MICAL2: variants seen among roughly 807,000 people sequenced by gnomAD.
The protein encoded by MICAL2 is [F-actin]-monooxygenase MICAL2.
In MICAL2, 77 loss-of-function variants were observed where a neutral mutation model predicts 127.3. That is an observed-to-expected ratio of 0.60 (90% CI 0.50 to 0.73). MICAL2 has a LOEUF of 0.73. Ranked by LOEUF, MICAL2 falls within the 30% of genes least tolerant of loss-of-function variation. MICAL2 has a pLI of 0.00. For synonymous variants in MICAL2, 570 were observed against 551.1 expected (o/e 1.03, Z -0.48); for missense variants, 1,351 against 1,434.4 (o/e 0.94, Z 0.94).
chr11:12,273,699 C>T (rs1420322495), upstream of MICAL2, among the ~76,000 whole-genome samples: 2 of 152,084 alleles, frequency 1.3e-5, no homozygotes, highest in Non-Finnish European at 2.9e-5. Context: ...TGAGAGGGCT[C>T]AGGTGGATGC....
intron 15 of MICAL2, among the ~76,000 whole-genome samples, chr11:12,229,436 C>T (rs941665042): frequency 2.0e-5 from 3 of 152,222 alleles, no homozygotes; most frequent in Non-Finnish European, 2.9e-5. Flanking sequence ...TGGGTACCAG[C>T]GGTCAGCTTG....
At chr11:12,152,988 T>C (rs1459834619) in intron 2 of MICAL2, among the ~76,000 whole-genome samples, 3 of 152,068 alleles carry the variant, frequency 2.0e-5, no homozygotes, top group Non-Finnish European at 4.4e-5. Context: ...ATTGTTTTTG[T>C]GGTAAAATTT....
At chr11:12,170,380 G>A (rs770319460) in intron 3 of MICAL2, among the ~76,000 whole-genome samples, 12 of 152,042 alleles carry the variant, frequency 7.9e-5, no homozygotes, top group Non-Finnish European at 1.5e-4. Flanking sequence ...AGCCTGGGAG[G>A]TCAAGGCAGC....
rs533005068 is a variant in MICAL2 at position 12,269,403 on chromosome 11, G to A, written c.3335-6583G>A. On this transcript the variant is annotated intron_variant, in intron 24 of 34. Coordinates refer to the MICAL2 transcript ENST00000646065. ...GAAGAAGAGGGAAGAAAAGAAGCAG[G>A]TTCCAAGAAGAAGGCTCCAGACATG... Among the ~76,000 whole-genome samples the A allele has an allele frequency of 1.4e-3, 206 of 152,348 alleles. 1 individual carries two copies. The highest frequency in any genetic ancestry group is 4.8e-3 in the African/African-American group (198 of 41,572).
chr11:12,316,530 G>T (rs933791514), intron 29 of MICAL2, among the ~76,000 whole-genome samples: 3 of 151,492 alleles, frequency 2.0e-5, no homozygotes, highest in Non-Finnish European at 4.4e-5. Flanking sequence ...CAACTTTACT[G>T]ATTTATTATA....
At chr11:12,318,166 C>G (rs1322056329) in intron 29 of MICAL2, among the ~76,000 whole-genome samples, 1 of 152,216 alleles carries the variant, frequency 6.6e-6, no homozygotes, top group African/African-American at 2.4e-5. Context: ...GCACTTTACA[C>G]TGATTATCTC....
At chr11:12,325,526 G>C (rs534542511) in intron 31 of MICAL2, among the ~76,000 whole-genome samples, 1 of 152,334 alleles carries the variant, frequency 6.6e-6, no homozygotes, top group Non-Finnish European at 1.5e-5. Context: ...TTCTGGAGCT[G>C]AGAAGTCCAA....
chr11:12,270,775 A>G (rs1371758849), intron 24 of MICAL2, among the ~76,000 whole-genome samples: 5 of 152,210 alleles, frequency 3.3e-5, no homozygotes, highest in African/African-American at 1.2e-4. Context: ...GACATTGGTC[A>G]AGTGTGATAA....
chr11:12,140,480 A>G (rs1055675439), intron 2 of MICAL2, among the ~76,000 whole-genome samples: 8 of 151,072 alleles, frequency 5.3e-5, no homozygotes, highest in Non-Finnish European at 7.4e-5. Context: ...ACACTTGTGG[A>G]ATGAGTGAAC....
chr11:12,282,925 G>A (rs1863787353), intron 2 of MICAL2, among the ~76,000 whole-genome samples: 2 of 152,326 alleles, frequency 1.3e-5, no homozygotes, highest in African/African-American at 2.4e-5. Flanking sequence ...TTTTCTTAGC[G>A]GGATGGGGTT....
intron 3 of MICAL2, chr11:12,163,593 A>C (rs542539561): frequency 6.6e-6 from 1 of 152,320 alleles, no homozygotes; most frequent in Non-Finnish European, 1.5e-5. Context: ...ATCAGGTTGA[A>C]ACAGACCAGT....
chr11:12,321,454 T>A (rs1864294851), intron 30 of MICAL2, among the ~76,000 whole-genome samples: 2 of 152,090 alleles, frequency 1.3e-5, no homozygotes, highest in Non-Finnish European at 2.9e-5. Flanking sequence ...TTCCCTTTGC[T>A]TCACCCTTGC....
At chr11:12,161,795 G>T in intron 2 of MICAL2, 1 of 284,456 alleles carries the variant, frequency 3.5e-6, no homozygotes, top group Non-Finnish European at 6.7e-6. Context: ...GATTGACTAG[G>T]TACTGTTGGC....
downstream of MICAL2, chr11:12,293,732 G>T: frequency 6.2e-7 from 1 of 1,614,064 alleles, no homozygotes; most frequent in Non-Finnish European, 8.5e-7. Context: ...CCCTGGTGAA[G>T]ATGGCCTCTC....
chr11:12,233,863 G>A (rs550998320), intron 15 of MICAL2, among the ~76,000 whole-genome samples: 1 of 152,322 alleles, frequency 6.6e-6, no homozygotes, highest in African/African-American at 2.4e-5. Context: ...CACAAATATA[G>A]ATATACAGAT....
chr11:12,256,984 G>T lies in MICAL2; in HGVS notation c.3142+13G>T. On this transcript the variant is annotated intron_variant, in intron 24 of 27. Coordinates refer to ENST00000683283, the MANE Select transcript of MICAL2 (RefSeq NM_001282663.2). The stretch of plus-strand genomic sequence containing the variant: ...GACTGCGATGAAGGTAACCCCAGGG[G>T]CCAGGGCAGCACTGGGCTCTGGCCT... 1 of 1,607,132 alleles carries T rather than the reference G, an allele frequency of 6.2e-7. No homozygotes were observed. The highest frequency in any genetic ancestry group is 8.5e-7 in the Non-Finnish European group (1 of 1,176,748).
intron 2 of MICAL2, among the ~76,000 whole-genome samples, chr11:12,145,779 C>T (rs1852834895): frequency 6.6e-6 from 1 of 152,168 alleles, no homozygotes; most frequent in Admixed American, 6.5e-5. Flanking sequence ...CTTATGCAGA[C>T]TCTGGGGTGA....
At chr11:12,339,977 T>G (rs190813952) in intron 32 of MICAL2, among the ~76,000 whole-genome samples, 2 of 152,100 alleles carry the variant, frequency 1.3e-5, no homozygotes, top group African/African-American at 4.8e-5. Context: ...CAAAGCTCAG[T>G]TGGAAATGCA....
At chr11:12,147,980 G>A (rs771611580) in intron 2 of MICAL2, among the ~76,000 whole-genome samples, 5 of 152,154 alleles carry the variant, frequency 3.3e-5, no homozygotes, top group Admixed American at 6.5e-5. Flanking sequence ...TGAGTTAGAC[G>A]AACACAGATG....
Sources: allele counts gnomAD v4.1 joint callset (sites outside exome capture counted in the v4.1 genomes callset), GRCh38; gene constraint gnomAD v4.1.1; transcripts MANE v1.5; gene names NCBI Gene and HGNC (gene_info 2026-07-23, HGNC 2026-07-21).